Variants in ZNF148 observed in about 807,000 individuals in gnomAD.
ZNF148 encodes the protein zinc finger protein 148.
A neutral mutation model predicts 67.7 loss-of-function variants in ZNF148; 7 were observed. That is an observed-to-expected ratio of 0.10 (90% CI 0.06 to 0.19). The LOEUF is 0.19. ZNF148 is among the 10% of genes least tolerant of loss of function. The pLI is 1.00. For synonymous variants in ZNF148, 333 were observed against 330.7 expected, an observed-to-expected ratio of 1.01 and a Z score of -0.08; for missense variants, 583 against 947.1, an observed-to-expected ratio of 0.62 and a Z score of 5.05.
chr3:125,244,337 C>T (rs1453399044), intron 7 of ZNF148, among the ~76,000 whole-genome samples: 2 of 152,180 alleles, frequency 1.3e-5, no homozygotes, highest in African/African-American at 4.8e-5. Flanking sequence ...TAATCTAGCT[C>T]ACTATGGTTT....
At chr3:125,297,558 G>C (rs1412964053) in intron 4 of ZNF148, among the ~76,000 whole-genome samples, 1 of 151,220 alleles carries the variant, frequency 6.6e-6, no homozygotes, top group Non-Finnish European at 1.5e-5. Flanking sequence ...AAATCTGTAA[G>C]AGAAAGAAAC....
At chr3:125,256,713 T>C (rs1051905233) in intron 7 of ZNF148, among the ~76,000 whole-genome samples, 6 of 152,110 alleles carry the variant, frequency 3.9e-5, no homozygotes, top group African/African-American at 1.4e-4. Context: ...AATTAAGCCC[T>C]AATGCTCTAA....
chr3:125,241,003 A>C (rs1185069782), intron 7 of ZNF148, among the ~76,000 whole-genome samples: 1 of 148,344 alleles, frequency 6.7e-6, no homozygotes, highest in African/African-American at 2.4e-5. Flanking sequence ...GTTCTCCTTT[A>C]GTACATATTT....
intron 7 of ZNF148, among the ~76,000 whole-genome samples, chr3:125,270,550 A>C (rs7638240): frequency 0.3 from 45,583 of 152,036 alleles, 7,265 homozygotes; most frequent in Middle Eastern, 0.36. Flanking sequence ...TAGAATGTAA[A>C]ATAATTTTTC....
At position 125,230,864 on chromosome 3, in the gene ZNF148, A is replaced by G. The variant is rs908460587; in HGVS notation, c.*1477T>C. On this transcript the variant is annotated 3_prime_UTR_variant, in exon 9 of 9. Coordinates refer to ENST00000360647, the MANE Select transcript of ZNF148 (RefSeq NM_021964.3). ...TTGTAACAAAGAGTCAATAACTAAT[A>G]TAACTTCCAAAAATCAAAACTGCCC... 17 of 152,290 alleles carry G rather than the reference A, an allele frequency of 1.1e-4. No homozygotes were observed. Among genetic ancestry groups the G allele is most frequent in the African/African-American group, 3.6e-4 (15 of 41,454 alleles). The allele number at this position is 152,290 out of a possible 1,614,324, so 9.4% of individuals were successfully genotyped here.
chr3:125,228,464 A>G lies in ZNF148; in HGVS notation c.*3877T>C, dbSNP rs2107819914. On this transcript the variant is annotated 3_prime_UTR_variant, in exon 9 of 9. Transcript: ENST00000360647. Reference sequence around the variant, plus strand: ...AATCATTATTAAATGAAATAAGGATAATTAATAACTCTGAAATGTTTTTAG... The same window carrying G: ...AATCATTATTAAATGAAATAAGGATGATTAATAACTCTGAAATGTTTTTAG... 6.5e-6 allele frequency: 1 copy of G among 152,754 alleles called. No individual in the cohort carries two copies. The highest frequency in any genetic ancestry group is 3.4e-3 in the Middle Eastern group (1 of 294). 9.5% of individuals were successfully genotyped at this position (152,754 alleles called of 1,614,324 possible). A position where few individuals can be genotyped will look rare whatever the true frequency, so the allele number is the denominator to read the frequency against.
At chr3:125,268,975 G>GT (rs1937604154) in intron 7 of ZNF148, among the ~76,000 whole-genome samples, 1 of 152,046 alleles carries the variant, frequency 6.6e-6, no homozygotes, top group Non-Finnish European at 1.5e-5. Flanking sequence ...TCCAGAACCT[G>GT]TAAGGCAGTT....
rs755111484 is a variant in ZNF148 at position 125,233,352 on chromosome 3, C to T, written c.1374G>A (p.Val458=). The part of the protein sequence containing the change: ...DNLQEGPSKP[V]HSSTNYDDAM... ...CATCATCATAATTAGTACTACTATG[C>T]ACAGGTTTACTGGGCCCCTCCTGCA... is the stretch of plus-strand genomic sequence containing the variant. The change falls in exon 9 of 9, where the codon GTG becomes GTA. Residue 458 remains valine (V), a synonymous_variant. Coordinates refer to ENST00000360647, the MANE Select transcript of ZNF148 (RefSeq NM_021964.3). This position sits in a 1 kb window ranked among gnomAD's most constrained non-coding sequence, Gnocchi z 5.1. 13 of 1,613,946 alleles carry T rather than the reference C, an allele frequency of 8.1e-6. No individual in the cohort carries two copies. Among genetic ancestry groups the T allele is most frequent in the Middle Eastern group, 1.7e-4 (1 of 6,058 alleles).
rs1935865347 is a variant in ZNF148, at chr3:125,231,809, G to A, written c.*532C>T. The A allele has an allele frequency of 6.5e-6, 1 of 152,674 alleles. No individual in the cohort carries two copies. Among genetic ancestry groups the A allele is most frequent in the Non-Finnish European group, 1.5e-5 (1 of 68,222 alleles). 9.5% of individuals were successfully genotyped at this position (152,674 alleles called of 1,614,324 possible). A position where few individuals can be genotyped will look rare whatever the true frequency, so the allele number is the denominator to read the frequency against. ...GCAAAATGAAAATCAAGGGTATATG[G>A]CATATCATTCTTTTTAAAAGGTGGT... On this transcript the variant is annotated 3_prime_UTR_variant, in exon 9 of 9. Transcript: ENST00000360647.
chr3:125,285,019 T>C (rs1938585443), intron 5 of ZNF148, among the ~76,000 whole-genome samples: 1 of 152,222 alleles, frequency 6.6e-6, no homozygotes, highest in African/African-American at 2.4e-5. Context: ...CACAGTACTT[T>C]AAGGCAGCCA....
intron 1 of ZNF148, among the ~76,000 whole-genome samples, chr3:125,349,843 AAAAC>A (rs1361069155): frequency 1.3e-5 from 2 of 152,244 alleles, no homozygotes; most frequent in Non-Finnish European, 2.9e-5. Flanking sequence ...CCTGTCTCAA[AAAAC>A]AAACAGACTT....
chr3:125,235,406 C>T (rs1285383129), intron 7 of ZNF148, among the ~76,000 whole-genome samples: 1 of 152,184 alleles, frequency 6.6e-6, no homozygotes, highest in African/African-American at 2.4e-5. Flanking sequence ...CCTACCATCT[C>T]ATGCTTTCCT....
intron 7 of ZNF148, among the ~76,000 whole-genome samples, chr3:125,255,215 G>C (rs1036369050): frequency 7.8e-6 from 1 of 127,508 alleles, no homozygotes; most frequent in Non-Finnish European, 1.6e-5. Context: ...CACATATTTA[G>C]TGATTTAATG....
intron 7 of ZNF148, among the ~76,000 whole-genome samples, chr3:125,257,816 T>C (rs1937155126): frequency 6.6e-6 from 1 of 152,182 alleles, no homozygotes; most frequent in Non-Finnish European, 1.5e-5. Context: ...ATACTCATTG[T>C]TTTTTCATCT....
intron 7 of ZNF148, among the ~76,000 whole-genome samples, chr3:125,245,381 C>T (rs538305401): frequency 2.6e-5 from 4 of 152,296 alleles, no homozygotes; most frequent in East Asian, 1.9e-4. Context: ...CCTGCCACCA[C>T]GTAAGACTTG....
chr3:125,236,872 G>A (rs1936117103), intron 7 of ZNF148, among the ~76,000 whole-genome samples: 1 of 152,152 alleles, frequency 6.6e-6, no homozygotes, highest in Admixed American at 6.5e-5. Context: ...TAGAAAGACA[G>A]CTTACTACAA....
At chr3:125,294,632 T>C (rs1157963798) in intron 4 of ZNF148, among the ~76,000 whole-genome samples, 1 of 152,172 alleles carries the variant, frequency 6.6e-6, no homozygotes, top group Non-Finnish European at 1.5e-5. Context: ...CCATGCACTG[T>C]CCTAAGTGCT....
intron 1 of ZNF148, among the ~76,000 whole-genome samples, chr3:125,366,027 T>C (rs1003505239): frequency 1.3e-5 from 2 of 152,154 alleles, no homozygotes; most frequent in African/African-American, 2.4e-5. Flanking sequence ...ACCACCACAT[T>C]ACCCGCAATC....
intron 1 of ZNF148, among the ~76,000 whole-genome samples, chr3:125,354,456 T>G (rs1413689660): frequency 2.0e-5 from 3 of 152,256 alleles, no homozygotes; most frequent in Admixed American, 6.5e-5. Context: ...ATACTTCTTC[T>G]GACAATACAC....
Sources: allele counts gnomAD v4.1 joint callset (sites outside exome capture counted in the v4.1 genomes callset), GRCh38; gene constraint gnomAD v4.1.1; non-coding constraint Gnocchi (gnomAD v3.1); transcripts MANE v1.5; gene names NCBI Gene and HGNC (gene_info 2026-07-23, HGNC 2026-07-21).